The following KLF12 variants were observed in gnomAD, a reference collection of about 807,000 sequenced individuals.
KLF12 encodes KLF transcription factor 12, also known as Krueppel-like factor 12.
Under a neutral mutation model 37.8 loss-of-function variants are expected in KLF12, and 9 were observed. The ratio of observed to expected loss-of-function variants is 0.24; its 90% CI spans 0.14 to 0.42. KLF12 has a LOEUF of 0.42. Ranked by LOEUF, KLF12 falls within the 10% of genes least tolerant of loss-of-function variation. The pLI is 1.00. For synonymous variants in KLF12, 208 were observed against 202.1 expected, an observed-to-expected ratio of 1.03 and a Z score of -0.25; for missense variants, 411 against 516.0, an observed-to-expected ratio of 0.80 and a Z score of 1.97.
rs554116534 is a variant in KLF12, at chr13:73,789,162, GT to G, written c.806+23989del. Among the ~76,000 whole-genome samples the G allele has an allele frequency of 1.4e-3, 219 of 152,246 alleles. 1 individual carries two copies. The South Asian group carries it at 0.023, about 16-fold the overall frequency. Reference sequence around the variant, plus strand: ...ATAAATGGAAGGTTGGCAGACCTTTGTTTTTCCACAAATACTTTCGATTGTT... The same window carrying G: ...ATAAATGGAAGGTTGGCAGACCTTTGTTTTCCACAAATACTTTCGATTGTT... On this transcript the variant is annotated intron_variant, in intron 5 of 7. Coordinates refer to ENST00000377669, the MANE Select transcript of KLF12 (RefSeq NM_007249.5).
At chr13:74,266,675 A>G in the KLF12 span, among the ~76,000 whole-genome samples, 2 of 152,300 alleles carry the variant, frequency 1.3e-5, no homozygotes, top group African/African-American at 4.8e-5. Context: ...ATAGATACGT[A>G]GATAGATAGA....
intron 3 of KLF12, among the ~76,000 whole-genome samples, chr13:73,874,756 T>C (rs1886625519): frequency 6.6e-6 from 1 of 152,172 alleles, no homozygotes; most frequent in African/African-American, 2.4e-5. Flanking sequence ...GGCCAACTGA[T>C]CATCACCTTG....
the KLF12 span, among the ~76,000 whole-genome samples, chr13:74,148,904 T>C: frequency 6.6e-6 from 1 of 152,154 alleles, no homozygotes. Context: ...AGCCTCCGCC[T>C]CCCGGGTTCA....
intron 3 of KLF12, among the ~76,000 whole-genome samples, chr13:73,922,549 G>A (rs1243627133): frequency 6.6e-6 from 1 of 152,092 alleles, no homozygotes; most frequent in Non-Finnish European, 1.5e-5. Context: ...GGGTGGGGAG[G>A]TATAATCTGT....
intron 1 of KLF12, among the ~76,000 whole-genome samples, chr13:74,117,768 T>C (rs571699197): frequency 5.9e-5 from 9 of 152,292 alleles, no homozygotes; most frequent in African/African-American, 2.2e-4. Context: ...TAAGCCAGTC[T>C]AACCATGAGA....
chr13:73,935,410 T>C lies in KLF12; in HGVS notation c.123+8571A>G, dbSNP rs548488681. On this transcript the variant is annotated intron_variant, in intron 3 of 7. Transcript: ENST00000377669. ...ACAGTATGATATGGTTTGGAAGTTTTTTTCCCCTTCAAATCTCATGTTGAA... is the reference window on the plus strand; with the variant it reads ...ACAGTATGATATGGTTTGGAAGTTTCTTTCCCCTTCAAATCTCATGTTGAA... Among the ~76,000 whole-genome samples, 4 of 152,274 alleles carry C rather than the reference T, an allele frequency of 2.6e-5. 1 individual carries two copies. In the South Asian group the frequency reaches 8.3e-4, roughly 32 times the overall value.
intron 7 of KLF12, among the ~76,000 whole-genome samples, chr13:73,707,162 C>T (rs1347206061): frequency 1.3e-5 from 2 of 152,134 alleles, no homozygotes. Flanking sequence ...AAAGCATAGG[C>T]TCGAGAGAAA....
At chr13:73,890,989 TAAAG>T (rs951556731) in intron 3 of KLF12, among the ~76,000 whole-genome samples, 2 of 152,192 alleles carry the variant, frequency 1.3e-5, no homozygotes, top group African/African-American at 4.8e-5. Flanking sequence ...GGTTTCTCCT[TAAAG>T]AACAAATGTA....
rs377402502 is a variant in KLF12 at position 73,735,508 on chromosome 13, G to A, written c.870-19983C>T. ...GAGGGAGTGGGACTTGAGCCAGGTCGTGTCAAGTGGGAATGGGCTGAGCGA... is the reference window on the plus strand; with the variant it reads ...GAGGGAGTGGGACTTGAGCCAGGTCATGTCAAGTGGGAATGGGCTGAGCGA... On this transcript the variant is annotated intron_variant, in intron 6 of 7. Coordinates refer to ENST00000377669, the MANE Select transcript of KLF12 (RefSeq NM_007249.5). Among the ~76,000 whole-genome samples the A allele has an allele frequency of 1.4e-4, 21 of 152,242 alleles. 2 individuals are homozygous for A. Among genetic ancestry groups the A allele is most frequent in the Admixed American group, 5.9e-4 (9 of 15,286 alleles).
chr13:73,824,938 G>A (rs994618126), intron 4 of KLF12, among the ~76,000 whole-genome samples: 1 of 152,026 alleles, frequency 6.6e-6, no homozygotes, highest in Non-Finnish European at 1.5e-5. Flanking sequence ...GCGTGGTGGC[G>A]TGCACTTGTA....
At chr13:73,739,481 G>A (rs1877794155) in intron 6 of KLF12, among the ~76,000 whole-genome samples, 1 of 152,014 alleles carries the variant, frequency 6.6e-6, no homozygotes, top group Non-Finnish European at 1.5e-5. Context: ...TTTAAAAAAT[G>A]TATGTCATAT....
chr13:73,811,934 G>GT (rs947470800), intron 5 of KLF12, among the ~76,000 whole-genome samples: 1 of 151,974 alleles, frequency 6.6e-6, no homozygotes, highest in Admixed American at 6.6e-5. Context: ...TCTTTTCTTT[G>GT]TTTTTTAATT....
chr13:73,909,809 T>C (rs1456096211), intron 3 of KLF12, among the ~76,000 whole-genome samples: 1 of 152,216 alleles, frequency 6.6e-6, no homozygotes, highest in Non-Finnish European at 1.5e-5. Context: ...CACTTTTCCA[T>C]TTTGTCCAAA....
At chr13:74,101,671 C>T (rs1876350210) in intron 1 of KLF12, among the ~76,000 whole-genome samples, 1 of 152,116 alleles carries the variant, frequency 6.6e-6, no homozygotes, top group South Asian at 2.1e-4. Flanking sequence ...CTAAGAGACA[C>T]AAGAGCCACC....
At chr13:73,794,211 G>A (rs1307084386) in intron 5 of KLF12, among the ~76,000 whole-genome samples, 2 of 152,162 alleles carry the variant, frequency 1.3e-5, no homozygotes, top group Admixed American at 6.5e-5. Flanking sequence ...CTGTAATCCC[G>A]GCACTTTGGG....
At chr13:74,102,081 G>A (rs974170440) in intron 1 of KLF12, among the ~76,000 whole-genome samples, 1 of 151,760 alleles carries the variant, frequency 6.6e-6, no homozygotes, top group African/African-American at 2.4e-5. Flanking sequence ...AGCCAGGCAT[G>A]GTGGCAGATG....
chr13:74,120,058 C>A (rs115584617), intron 1 of KLF12, among the ~76,000 whole-genome samples: 1 of 152,000 alleles, frequency 6.6e-6, no homozygotes, highest in Admixed American at 6.6e-5. Flanking sequence ...ATATCTTTAA[C>A]GTAATGGTGG....
At chr13:74,294,303 T>A in the KLF12 span, among the ~76,000 whole-genome samples, 1 of 152,152 alleles carries the variant, frequency 6.6e-6, no homozygotes, top group African/African-American at 2.4e-5. Context: ...ATCGGACCCA[T>A]TAAGTGAAGC....
chr13:74,132,671 CT>C (rs1878326240), intron 1 of KLF12, among the ~76,000 whole-genome samples: 1 of 152,146 alleles, frequency 6.6e-6, no homozygotes, highest in Non-Finnish European at 1.5e-5. Flanking sequence ...TGAAATAAGA[CT>C]ATTACTATTA....
Sources: gnomAD v4.1 joint callset for allele counts (sites outside exome capture counted in the v4.1 genomes callset) on GRCh38, gnomAD v4.1.1 for gene constraint, MANE v1.5 for transcripts, NCBI Gene and HGNC (gene_info 2026-07-23, HGNC 2026-07-21) for gene names.